The following SUSD2 variants were observed in gnomAD, a reference collection of about 807,000 sequenced individuals.
The protein encoded by SUSD2 is sushi domain-containing protein 2.
In SUSD2, 86 loss-of-function variants were observed where a neutral mutation model predicts 93.8. The observed-to-expected ratio is 0.92, with a 90% CI of 0.77 to 1.10. The LOEUF (loss-of-function observed/expected upper bound fraction) is 1.10. Among genes scored for constraint, SUSD2 ranks in the 50% least tolerant of loss-of-function variants. The pLI is 0.00. For synonymous variants in SUSD2, 483 were observed against 485.0 expected (o/e 1.00, Z 0.05); for missense variants, 1,060 against 1,137.0 (o/e 0.93, Z 0.97).
rs149830913 is a variant in SUSD2, at chr22:24,187,985, C to A, written c.2191C>A (p.Pro731Thr). 1.7e-4 allele frequency: 279 copies of A among 1,612,880 alleles called. 1 individual carries two copies. Among genetic ancestry groups the A allele is most frequent in the Non-Finnish European group, 1.8e-4 (217 of 1,179,970 alleles). The part of the protein sequence containing the change: ...PVVSCGWLAP[P>T]PNGQKEGNRY... Reference sequence around the variant, plus strand: ...GGTGTCCTGTGGCTGGCTGGCCCCACCTCCCAACGGACAAAAGGAGGGCAA... The same window carrying A: ...GGTGTCCTGTGGCTGGCTGGCCCCAACTCCCAACGGACAAAAGGAGGGCAA... Residue 731 changes from proline (P) to threonine (T), a missense_variant, in exon 13 of 15, where the codon CCT (proline) becomes ACT (threonine). Around this residue, in one of 2 missense-constraint regions of SUSD2, gnomAD observed 973 missense variants for 1,005.3 expected, o/e 0.97. Coordinates refer to ENST00000358321, the MANE Select transcript of SUSD2 (RefSeq NM_019601.4).
Position 24,185,229 on chromosome 22 carries a change from C to T in SUSD2, c.918C>T (p.Phe306=). The part of the protein sequence containing the change: ...WEELEDQLPN[F]LEELPDCPCT... ...AGCTGGAGGATCAGCTGCCCAACTTCCTGGAGGAGCTGCCGGACTGCCCCT... is the reference window on the plus strand; with the variant it reads ...AGCTGGAGGATCAGCTGCCCAACTTTCTGGAGGAGCTGCCGGACTGCCCCT... Residue 306 remains phenylalanine, a synonymous_variant, in exon 6 of 15, where the codon TTC becomes TTT. Transcript: ENST00000358321. The T allele has an allele frequency of 1.2e-6, 2 of 1,609,560 alleles. No individual in the cohort carries two copies. Among genetic ancestry groups the T allele is most frequent in the Non-Finnish European group, 1.7e-6 (2 of 1,179,938 alleles).
Position 24,183,610 on chromosome 22 carries a change from G to T in SUSD2, c.403G>T (p.Gly135Cys). 3.1e-6 allele frequency: 5 copies of T among 1,612,970 alleles called. No individual in the cohort carries two copies. Among genetic ancestry groups the T allele is most frequent in the Non-Finnish European group, 4.2e-6 (5 of 1,179,986 alleles). ...CCCCTTCACTGTGTCACTGGACAAC[G>T]GCCACTCCTTCCCTCGTGCGGGCAC... ...RIPFTVSLDN[G>C]HSFPRAGTWL... The change falls in exon 3 of 15, where the codon GGC becomes TGC. Residue 135 changes from glycine to cysteine, a missense_variant. By Grantham distance (159) the Gly-to-Cys change is radical. This residue lies in a region of SUSD2 where 973 missense variants were observed against 1,005.3 expected (regional missense o/e 0.97). Coordinates refer to ENST00000358321, the MANE Select transcript of SUSD2 (RefSeq NM_019601.4).
Position 24,181,537 on chromosome 22 carries a change from G to A in SUSD2, c.18G>A (p.Leu6=), listed in dbSNP as rs879099014. 6.3e-7 allele frequency: 1 copy of A among 1,593,160 alleles called. No individual in the cohort carries two copies. Among genetic ancestry groups the A allele is most frequent in the South Asian group, 1.1e-5 (1 of 88,302 alleles). The change falls in exon 1 of 15, where the codon CTG becomes CTA. Residue 6 remains leucine (L), a synonymous_variant. Coordinates refer to ENST00000358321, the MANE Select transcript of SUSD2 (RefSeq NM_019601.4). ...GCTGCACCATGAAGCCAGCCCTCCTGCCCTGGGCCCTGCTGCTGCTGGCGA... is the reference window on the plus strand; with the variant it reads ...GCTGCACCATGAAGCCAGCCCTCCTACCCTGGGCCCTGCTGCTGCTGGCGA... The part of the protein sequence containing the change: MKPAL[L]PWALLLLATA...
chr22:24,185,589 G>T lies in SUSD2; in HGVS notation c.1070+18G>T. On this transcript the variant is annotated intron_variant, in intron 7 of 14. Coordinates refer to ENST00000358321, the MANE Select transcript of SUSD2 (RefSeq NM_019601.4). ...CAGGCCAGGTGAGCCCCCAGGCTGG[G>T]GCCGGTATGGGGATTGGGGTCAGGG... 1 of 1,597,562 alleles carries T rather than the reference G, an allele frequency of 6.3e-7. No homozygotes were observed. The highest frequency in any genetic ancestry group is 2.3e-5 in the East Asian group (1 of 44,234).
At chr22:24,186,850 G>T in intron 10 of SUSD2, 1 of 426,648 alleles carries the variant, frequency 2.3e-6, no homozygotes, top group Non-Finnish European at 4.3e-6. Context: ...TTCCTGGTTG[G>T]GATGGGTGAG....
Position 24,188,251 on chromosome 22 carries a change from A to T in SUSD2, c.2368A>T (p.Ile790Phe). The T allele has an allele frequency of 1.2e-6, 2 of 1,603,612 alleles. No individual in the cohort carries two copies. Among genetic ancestry groups the T allele is most frequent in the Non-Finnish European group, 8.5e-7 (1 of 1,173,848 alleles). The change falls in exon 14 of 15, where the codon ATC (isoleucine) becomes TTC (phenylalanine). Residue 790 changes from isoleucine (I) to phenylalanine (F), a missense_variant. By Grantham distance (21) the Ile-to-Phe change is conservative. Transcript: ENST00000358321. The surrounding 1 kb of genome is among the most constrained non-coding windows in gnomAD (Gnocchi z 4.7). ...PGRSYAVLLG[I>F]IFGGLAVVAA... The stretch of plus-strand genomic sequence containing the variant: ...ACGCAGCTACGCGGTGCTGTTGGGC[A>T]TCATCTTTGGGGGCCTCGCGGTGGT...
rs768617424 is a variant in SUSD2 at position 24,188,168 on chromosome 22, C to T, written c.2341+33C>T. 2.5e-6 allele frequency: 4 copies of T among 1,600,602 alleles called. No homozygotes were observed. Among genetic ancestry groups the T allele is most frequent in the African/African-American group, 1.3e-5 (1 of 74,852 alleles). ...CACTCTGCTCATACACCTGCCTGCACCTGTCCCCACTCACCACCCCAGAGA... is the reference window on the plus strand; with the variant it reads ...CACTCTGCTCATACACCTGCCTGCATCTGTCCCCACTCACCACCCCAGAGA... On this transcript the variant is annotated intron_variant, in intron 13 of 14. Coordinates refer to ENST00000358321, the MANE Select transcript of SUSD2 (RefSeq NM_019601.4). This position sits in a 1 kb window ranked among gnomAD's most constrained non-coding sequence, Gnocchi z 4.7.
chr22:24,188,514 A>G lies in SUSD2; in HGVS notation c.*78A>G. 2 of 1,399,978 alleles carry G rather than the reference A, an allele frequency of 1.4e-6. No homozygotes were observed. Among genetic ancestry groups the G allele is most frequent in the Non-Finnish European group, 2.0e-6 (2 of 1,003,180 alleles). 86.7% of individuals were successfully genotyped at this position (1,399,978 alleles called of 1,614,324 possible). A position where few individuals can be genotyped will look rare whatever the true frequency, so the allele number is the denominator to read the frequency against. On this transcript the variant is annotated 3_prime_UTR_variant, in exon 15 of 15. Coordinates refer to ENST00000358321, the MANE Select transcript of SUSD2 (RefSeq NM_019601.4). This position sits in a 1 kb window ranked among gnomAD's most constrained non-coding sequence, Gnocchi z 4.7. ...CCAGTCCTGCGACTCCCGCATCCCC[A>G]GGACCAGACACCTGGGACCTGGATA... is the stretch of plus-strand genomic sequence containing the variant.
At position 24,186,909 on chromosome 22, in the gene SUSD2, G is replaced by T. The variant is rs60543003; in HGVS notation, c.1643-293G>T. ...CTGAGGGTTCAGGGACCCTCGGGAC[G>T]TGCCCAGGCAGGTGTGGCTGCTGCA... On this transcript the variant is annotated intron_variant, in intron 10 of 14. Transcript: ENST00000358321. 11 of 518,856 alleles carry T rather than the reference G, an allele frequency of 2.1e-5. No homozygotes were observed. The South Asian group carries it at 2.2e-4, about 11-fold the overall frequency. 32.1% of individuals were successfully genotyped at this position (518,856 alleles called of 1,614,324 possible).
At position 24,184,256 on chromosome 22, in the gene SUSD2, T is replaced by C; in HGVS notation, c.560T>C (p.Leu187Pro). Residue 187 changes from leucine (L) to proline (P), a missense_variant, in exon 4 of 15, where the codon CTG becomes CCG. This residue lies in a region of SUSD2 where 973 missense variants were observed against 1,005.3 expected (regional missense o/e 0.97). Coordinates refer to ENST00000358321, the MANE Select transcript of SUSD2 (RefSeq NM_019601.4). ...NLSLTWHVKS[L>P]PTQTITIELW... ...AGCCTGACCTGGCATGTCAAGTCGC[T>C]GCCCACGCAGACCATCACCATCGAA... The C allele has an allele frequency of 1.9e-6, 3 of 1,613,686 alleles. No individual in the cohort carries two copies. Among genetic ancestry groups the C allele is most frequent in the Non-Finnish European group, 2.5e-6 (3 of 1,180,002 alleles).
rs1336199656 is a variant in SUSD2, at chr22:24,184,217, C to G, written c.521C>G (p.Thr174Ser). 7.4e-6 allele frequency: 12 copies of G among 1,613,582 alleles called. No homozygotes were observed. Among genetic ancestry groups the G allele is most frequent in the Non-Finnish European group, 1.0e-5 (12 of 1,179,990 alleles). Residue 174 changes from threonine to serine, a missense_variant, in exon 4 of 15, where the codon ACC becomes AGC. Thr to Ser is a moderately conservative substitution (Grantham distance 58, BLOSUM62 1). Coordinates refer to ENST00000358321, the MANE Select transcript of SUSD2 (RefSeq NM_019601.4). Reference sequence around the variant, plus strand: ...TGGCAATACTACGGCACCGCCAACACCTCAGGCAACCTCAGCCTGACCTGG... The same window carrying G: ...TGGCAATACTACGGCACCGCCAACAGCTCAGGCAACCTCAGCCTGACCTGG... ...TRWQYYGTAN[T>S]SGNLSLTWHV...
At chr22:24,187,119 G>A in intron 10 of SUSD2, 83 bp from the exon 11 acceptor site, 1 of 1,538,418 alleles carries the variant, frequency 6.5e-7, no homozygotes, top group Non-Finnish European at 8.7e-7. Flanking sequence ...CAGCCCCTGG[G>A]TGCCGACCAC....
At position 24,186,102 on chromosome 22, in the gene SUSD2, G is replaced by A; in HGVS notation, c.1426G>A (p.Ala476Thr). The change falls in exon 9 of 15, where the codon GCA becomes ACA. Residue 476 changes from alanine (A) to threonine (T), a missense_variant. Around this residue, in one of 2 missense-constraint regions of SUSD2, gnomAD observed 973 missense variants for 1,005.3 expected, o/e 0.97. Coordinates refer to ENST00000358321, the MANE Select transcript of SUSD2 (RefSeq NM_019601.4). ...NGRGEYVLLE[A>T]ALTDLRVQAR... is the part of the protein sequence containing the mutation. ...GCGCGGAGAGTACGTGCTGCTGGAGGCAGCGCTGACCGACCTGAGGGTGCA... is the reference window on the plus strand; with the variant it reads ...GCGCGGAGAGTACGTGCTGCTGGAGACAGCGCTGACCGACCTGAGGGTGCA... 1 of 1,612,566 alleles carries A rather than the reference G, an allele frequency of 6.2e-7. No individual in the cohort carries two copies. Among genetic ancestry groups the A allele is most frequent in the South Asian group, 1.1e-5 (1 of 91,046 alleles).
intron 10 of SUSD2, 131 bp from the exon 11 acceptor site, chr22:24,187,071 G>A (rs977203114): frequency 3.3e-5 from 42 of 1,273,320 alleles, no homozygotes; most frequent in Admixed American, 6.7e-5. Flanking sequence ...AATTGGCCCC[G>A]GGAACGCCCT....
chr22:24,183,076 C>T lies in SUSD2; in HGVS notation c.96C>T (p.Ser32=). ...CTCCAGATGCCCAAGAGAGCTGCTCCATGCGCTGTGGCGCCCTGGACGGGC... is the reference window on the plus strand; with the variant it reads ...CTCCAGATGCCCAAGAGAGCTGCTCTATGCGCTGTGGCGCCCTGGACGGGC... ...GPTADAQESC[S]MRCGALDGPC... Residue 32 remains serine, a synonymous_variant, in exon 2 of 15, where the codon TCC becomes TCT. Transcript: ENST00000358321. 2 of 1,613,884 alleles carry T rather than the reference C, an allele frequency of 1.2e-6. No individual in the cohort carries two copies. The highest frequency in any genetic ancestry group is 1.7e-6 in the Non-Finnish European group (2 of 1,179,872).
Position 24,185,547 on chromosome 22 carries a change from A to C in SUSD2, c.1046A>C (p.His349Pro). The C allele has an allele frequency of 6.3e-7, 1 of 1,588,502 alleles. No homozygotes were observed. Among genetic ancestry groups the C allele is most frequent in the Middle Eastern group, 1.7e-4 (1 of 6,022 alleles). The change falls in exon 7 of 15, where the codon CAC becomes CCC. Residue 349 changes from histidine to proline, a missense_variant. Coordinates refer to ENST00000358321, the MANE Select transcript of SUSD2 (RefSeq NM_019601.4). The part of the protein sequence containing the change: ...SVCTYHPGAV[H>P]CVRSVQASLR... ...TGCACCTACCACCCCGGGGCCGTGCACTGTGTGCGTTCTGTGCAGGCCAGG... is the reference window on the plus strand; with the variant it reads ...TGCACCTACCACCCCGGGGCCGTGCCCTGTGTGCGTTCTGTGCAGGCCAGG...
chr22:24,187,156 A>G (rs746514204), intron 10 of SUSD2, 46 bp from the exon 11 acceptor site: 74 of 1,586,788 alleles, frequency 4.7e-5, no homozygotes, highest in Non-Finnish European at 6.0e-5. Flanking sequence ...GGGAGGGGAC[A>G]AGATGCTCAC....
At position 24,186,343 on chromosome 22, in the gene SUSD2, A is replaced by G; in HGVS notation, c.1570A>G (p.Thr524Ala). 6 of 1,613,952 alleles carry G rather than the reference A, an allele frequency of 3.7e-6. No homozygotes were observed. Among genetic ancestry groups the G allele is most frequent in the Non-Finnish European group, 5.1e-6 (6 of 1,180,036 alleles). ...DVVEVRLANR[T>A]GGLEVLLNQE... ...GGTGGAAGTCAGGCTGGCCAACAGG[A>G]CCGGAGGTCTGGAGGTGCTGCTGAA... The change falls in exon 10 of 15, where the codon ACC becomes GCC. Residue 524 changes from threonine to alanine, a missense_variant. By Grantham distance (58) the Thr-to-Ala change is moderately conservative. Transcript: ENST00000358321.
intron 2 of SUSD2, 68 bp from the exon 3 acceptor site, chr22:24,183,427 G>A: frequency 6.4e-7 from 1 of 1,570,244 alleles, no homozygotes; most frequent in African/African-American, 1.3e-5. Flanking sequence ...AGGGAGGTTG[G>A]GGGCCCAGAC....
Sources: gnomAD v4.1 joint callset for allele counts on GRCh38, gnomAD v4.1.1 for gene constraint, gnomAD v4.1.1 regional missense constraint, Gnocchi (gnomAD v3.1) non-coding constraint, MANE v1.5 for transcripts, NCBI Gene and HGNC (gene_info 2026-07-23, HGNC 2026-07-21) for gene names.